Variants in APPL1 observed in about 807,000 individuals in gnomAD.
APPL1 encodes the protein DCC-interacting protein 13-alpha.
A neutral mutation model predicts 106.8 loss-of-function variants in APPL1; 42 were observed. The observed-to-expected ratio is 0.39, with a 90% confidence interval of 0.31 to 0.51. The LOEUF (loss-of-function observed/expected upper bound fraction) is 0.51, where lower values mean the gene tolerates loss of function less well. APPL1 is among the 20% of genes least tolerant of loss of function. APPL1 has a pLI of 0.75. For missense variants in APPL1, 769 were observed against 858.2 expected, an observed-to-expected ratio of 0.90 and a Z score of 1.30; for synonymous variants, 263 against 281.8, an observed-to-expected ratio of 0.93 and a Z score of 0.67.
rs1003356680 is a variant in APPL1 at position 57,270,589 on chromosome 3, A to G, written c.*902A>G. On this transcript the variant is annotated 3_prime_UTR_variant, in exon 22 of 22. Transcript: ENST00000288266. The stretch of plus-strand genomic sequence containing the variant: ...CAAGTGACATTTCAAAAGAAGTTCT[A>G]TAACAATTATGTTTCATGCTTAAAG... The G allele has an allele frequency of 6.5e-6, 1 of 152,698 alleles. No individual in the cohort carries two copies. The highest frequency in any genetic ancestry group is 1.5e-5 in the Non-Finnish European group (1 of 68,042). 9.5% of individuals were successfully genotyped at this position (152,698 alleles called of 1,614,324 possible).
intron 7 of APPL1, 91 bp downstream of exon 7, chr3:57,243,005 T>C: frequency 1.1e-6 from 1 of 871,994 alleles, no homozygotes; most frequent in Non-Finnish European, 1.8e-6. Flanking sequence ...CAGCAGTTAC[T>C]TTGTATGTTT....
At chr3:57,262,114 T>A (rs2060869483) in intron 19 of APPL1, among the ~76,000 whole-genome samples, 2 of 152,164 alleles carry the variant, frequency 1.3e-5, no homozygotes. Flanking sequence ...TGGGATTATT[T>A]GATTTTTTCC....
Position 57,238,086 on chromosome 3 carries a change from A to G in APPL1, c.255A>G (p.Thr85=). Reference sequence around the variant, plus strand: ...GTGATGATGAAGTTATGAGCTCTACATTGCAACAGTTTTCAAAAGTTATAG... The same window carrying G: ...GTGATGATGAAGTTATGAGCTCTACGTTGCAACAGTTTTCAAAAGTTATAG... The part of the protein sequence containing the change: ...LGGDDEVMSS[T]LQQFSKVIDE... Residue 85 remains threonine (T), a synonymous_variant, in exon 4 of 22, where the codon ACA becomes ACG. Transcript: ENST00000288266. 1 of 1,611,824 alleles carries G rather than the reference A, an allele frequency of 6.2e-7. No individual in the cohort carries two copies. The highest frequency in any genetic ancestry group is 2.2e-5 in the East Asian group (1 of 44,786).
chr3:57,242,512 T>C (rs997013046), intron 6 of APPL1, among the ~76,000 whole-genome samples: 11 of 152,228 alleles, frequency 7.2e-5, no homozygotes, highest in Non-Finnish European at 1.6e-4. Context: ...GCCACAATCA[T>C]AGCATACTGT....
At chr3:57,267,653 A>G (rs961271979) in intron 19 of APPL1, 89 bp from the exon 20 acceptor site, 20 of 1,113,664 alleles carry the variant, frequency 1.8e-5, no homozygotes, top group Non-Finnish European at 2.7e-5. Context: ...GATTAGTTAT[A>G]AAACTAGTTC....
chr3:57,237,518 G>T lies in APPL1; in HGVS notation c.180G>T (p.Leu60=). The T allele has an allele frequency of 2.5e-6, 4 of 1,603,184 alleles. No homozygotes were observed. In the South Asian group the frequency reaches 4.5e-5, roughly 18 times the overall value. ...ATGAATTAAGTGCAGCAACACACCT[G>T]ACCTCAAAACTTTTAAAAGAATATG... The part of the protein sequence containing the change: ...AQNELSAATH[L]TSKLLKEYEK... The change falls in exon 3 of 22, where the codon CTG becomes CTT. Residue 60 remains leucine (L), a synonymous_variant. Transcript: ENST00000288266.
chr3:57,261,894 A>T (rs1270268667), intron 19 of APPL1, among the ~76,000 whole-genome samples: 1 of 152,130 alleles, frequency 6.6e-6, no homozygotes. Flanking sequence ...CCAACAGTGT[A>T]TGAGTTCCCC....
chr3:57,237,506 A>G lies in APPL1; in HGVS notation c.168A>G (p.Ala56=). 1 of 1,603,174 alleles carries G rather than the reference A, an allele frequency of 6.2e-7. No homozygotes were observed. Among genetic ancestry groups the G allele is most frequent in the African/African-American group, 1.3e-5 (1 of 74,806 alleles). Residue 56 remains alanine, a synonymous_variant, in exon 3 of 22, where the codon GCA becomes GCG. Transcript: ENST00000288266. ...TTTTTCCATAGAATGAATTAAGTGC[A>G]GCAACACACCTGACCTCAAAACTTT... is the stretch of plus-strand genomic sequence containing the variant. ...RIYDAQNELS[A]ATHLTSKLLK...
chr3:57,264,663 C>T (rs2060885334), intron 19 of APPL1, among the ~76,000 whole-genome samples: 1 of 151,396 alleles, frequency 6.6e-6, no homozygotes, highest in African/African-American at 2.4e-5. Flanking sequence ...TATGGATATC[C>T]AGTTTTCCCG....
chr3:57,270,188 CT>C lies in APPL1; in HGVS notation c.*505del, dbSNP rs1280413040. 1 of 152,670 alleles carries C rather than the reference CT, an allele frequency of 6.6e-6. No homozygotes were observed. Among genetic ancestry groups the C allele is most frequent in the African/African-American group, 2.4e-5 (1 of 41,436 alleles). 9.5% of individuals were successfully genotyped at this position (152,670 alleles called of 1,614,324 possible). The stretch of plus-strand genomic sequence containing the variant: ...TAACAATATTAAATGTGCAATAGAA[CT>C]TTTATAAAATAATTAGAACAGAGAT... On this transcript the variant is annotated 3_prime_UTR_variant, in exon 22 of 22. Coordinates refer to ENST00000288266, the MANE Select transcript of APPL1 (RefSeq NM_012096.3).
intron 19 of APPL1, among the ~76,000 whole-genome samples, chr3:57,262,410 T>TTTTTTTTTTTTTTTTTTTTA (rs869046266): frequency 7.1e-6 from 1 of 139,990 alleles, no homozygotes. Flanking sequence ...TTTTTTTTTT[T>TTTTTTTTTTTTTTTTTTTTA]GAGACAGACT....
At position 57,269,955 on chromosome 3, in the gene APPL1, G is replaced by A. The variant is rs768547297; in HGVS notation, c.*268G>A. The A allele has an allele frequency of 4.1e-6, 1 of 246,866 alleles. No individual in the cohort carries two copies. The highest frequency in any genetic ancestry group is 7.8e-5 in the East Asian group (1 of 12,834). 15.3% of individuals were successfully genotyped at this position (246,866 alleles called of 1,614,324 possible). A position where few individuals can be genotyped will look rare whatever the true frequency, so the allele number is the denominator to read the frequency against. ...AGCAGACTGCTGAGGAATTACATTT[G>A]CTCAAGAATTTTTTCCGTCAAATTG... On this transcript the variant is annotated 3_prime_UTR_variant, in exon 22 of 22. Transcript: ENST00000288266.
intron 11 of APPL1, among the ~76,000 whole-genome samples, chr3:57,250,362 A>C (rs1392814133): frequency 6.6e-6 from 1 of 151,876 alleles, no homozygotes; most frequent in African/African-American, 2.4e-5. Flanking sequence ...CTGGTCTCGA[A>C]CTCCTGGACT....
intron 1 of APPL1, among the ~76,000 whole-genome samples, chr3:57,231,025 G>A (rs961037763): frequency 6.6e-6 from 1 of 151,374 alleles, no homozygotes; most frequent in African/African-American, 2.4e-5. Context: ...AGCCTCCCAA[G>A]TAGCCCAACT....
chr3:57,248,572 AAAG>A (rs1483142188), intron 10 of APPL1, among the ~76,000 whole-genome samples: 7 of 152,204 alleles, frequency 4.6e-5, no homozygotes, highest in African/African-American at 1.7e-4. Context: ...TAGAATGATA[AAAG>A]AAGTGAAACC....
At chr3:57,231,032 A>G (rs2060684042) in intron 1 of APPL1, among the ~76,000 whole-genome samples, 1 of 151,366 alleles carries the variant, frequency 6.6e-6, no homozygotes, top group Admixed American at 6.6e-5. Context: ...CAAGTAGCCC[A>G]ACTAATCTAA....
intron 11 of APPL1, among the ~76,000 whole-genome samples, chr3:57,250,684 A>G (rs773839827): frequency 2.0e-5 from 3 of 152,144 alleles, no homozygotes; most frequent in Admixed American, 6.5e-5. Flanking sequence ...TGGCTATTCT[A>G]TAATCTATTT....
chr3:57,259,829 C>A lies in APPL1; in HGVS notation c.1484-16C>A. ...CAGTAAAAAAAAAATATGTAATACACCTTGTTCTATTATAGATTCTATTCT... is the reference window on the plus strand; with the variant it reads ...CAGTAAAAAAAAAATATGTAATACAACTTGTTCTATTATAGATTCTATTCT... On this transcript the variant is annotated splice_polypyrimidine_tract_variant and intron_variant, in intron 16 of 21. Transcript: ENST00000288266. 6.5e-7 allele frequency: 1 copy of A among 1,539,442 alleles called. No homozygotes were observed.
chr3:57,242,493 G>A (rs1480957909), intron 6 of APPL1, among the ~76,000 whole-genome samples: 1 of 152,012 alleles, frequency 6.6e-6, no homozygotes, highest in African/African-American at 2.4e-5. Context: ...GAGTGCAGTG[G>A]CTTTTCAAGC....
Sources: allele counts gnomAD v4.1 joint callset (sites outside exome capture counted in the v4.1 genomes callset), GRCh38; gene constraint gnomAD v4.1.1; transcripts MANE v1.5; gene names NCBI Gene and HGNC (gene_info 2026-07-23, HGNC 2026-07-21).